Variants in AMBRA1 observed in about 807,000 individuals in gnomAD.
AMBRA1 encodes the protein activating molecule in BECN1-regulated autophagy protein 1.
AMBRA1 carries 47 observed loss-of-function variants against 125.4 expected under a neutral mutation model. That is an observed-to-expected ratio of 0.37 (90% CI 0.30 to 0.48). The LOEUF (loss-of-function observed/expected upper bound fraction) is 0.48. Ranked by LOEUF, AMBRA1 falls within the 20% of genes least tolerant of loss-of-function variation. AMBRA1 has a pLI of 0.99. For missense variants in AMBRA1, 1,331 were observed against 1,693.4 expected (o/e 0.79, Z 3.76); for synonymous variants, 626 against 655.5 (o/e 0.95, Z 0.69).
chr11:46,491,991 A>G (rs1179389162), intron 11 of AMBRA1, among the ~76,000 whole-genome samples: 1 of 152,234 alleles, frequency 6.6e-6, no homozygotes, highest in African/African-American at 2.4e-5. Context: ...TGGTGGAGGC[A>G]GATGTCTGGA....
chr11:46,402,426 A>G (rs904208460), intron 17 of AMBRA1, among the ~76,000 whole-genome samples: 1 of 152,026 alleles, frequency 6.6e-6, no homozygotes, highest in Non-Finnish European at 1.5e-5. Context: ...CGGTGGCGAG[A>G]TCTCAGCTCA....
At chr11:46,411,885 C>CAA (rs1275244118) in intron 15 of AMBRA1, among the ~76,000 whole-genome samples, 2 of 152,104 alleles carry the variant, frequency 1.3e-5, no homozygotes, top group Non-Finnish European at 2.9e-5. Context: ...CTCGGCCTCC[C>CAA]AAAGTGTTGG....
At chr11:46,529,226 C>T (rs868692991) in intron 7 of AMBRA1, among the ~76,000 whole-genome samples, 2 of 152,228 alleles carry the variant, frequency 1.3e-5, no homozygotes, top group Non-Finnish European at 2.9e-5. Context: ...AGGTTGCTCT[C>T]ATACTGCATA....
At chr11:46,567,651 G>A (rs995908183) in intron 1 of AMBRA1, among the ~76,000 whole-genome samples, 33 of 150,112 alleles carry the variant, frequency 2.2e-4, no homozygotes, top group Admixed American at 1.5e-3. Context: ...GTGAGCCACC[G>A]TGCCCAGCCT....
At chr11:46,515,651 G>A (rs1039180887) in intron 7 of AMBRA1, among the ~76,000 whole-genome samples, 152 of 152,078 alleles carry the variant, frequency 1.0e-3, no homozygotes, top group African/African-American at 3.5e-3. Context: ...TTTGCATTAG[G>A]TAACTTCAGT....
At chr11:46,402,562 C>T (rs1237778086) in intron 17 of AMBRA1, among the ~76,000 whole-genome samples, 1 of 152,064 alleles carries the variant, frequency 6.6e-6, no homozygotes, top group Non-Finnish European at 1.5e-5. Context: ...GATGGGGTTT[C>T]ACCACATTGG....
intron 11 of AMBRA1, among the ~76,000 whole-genome samples, chr11:46,476,429 C>A (rs895320640): frequency 6.6e-5 from 10 of 152,092 alleles, no homozygotes; most frequent in Admixed American, 3.3e-4. Flanking sequence ...TGGGGAGATA[C>A]GTAAAGAGTC....
intron 15 of AMBRA1, among the ~76,000 whole-genome samples, chr11:46,415,131 G>GT (rs1004781467): frequency 2.4e-4 from 36 of 152,208 alleles, no homozygotes; most frequent in Admixed American, 9.2e-4. Context: ...CCAGGGAGCT[G>GT]TATCACCCAG....
chr11:46,478,877 C>A (rs2136911925), intron 11 of AMBRA1, among the ~76,000 whole-genome samples: 1 of 152,080 alleles, frequency 6.6e-6, no homozygotes, highest in African/African-American at 2.4e-5. Flanking sequence ...CTGAAGCTTT[C>A]CTCAGTATAT....
chr11:46,545,831 G>T, intron 4 of AMBRA1, 55 bp from the exon 5 acceptor site: 7 of 1,569,274 alleles, frequency 4.5e-6, no homozygotes, highest in Non-Finnish European at 6.1e-6. Flanking sequence ...AGCACACTGG[G>T]AAGTCAATTT....
chr11:46,515,836 C>T lies in AMBRA1; in HGVS notation c.2073-3023G>A, dbSNP rs574141617. On this transcript the variant is annotated intron_variant, in intron 7 of 17. Transcript: ENST00000683756. ...GATTAAAGGCATGCGCCACCACACCCGGCTAATTTTTGTACTTTTAGTAGA... is the reference window on the plus strand; with the variant it reads ...GATTAAAGGCATGCGCCACCACACCTGGCTAATTTTTGTACTTTTAGTAGA... Among the ~76,000 whole-genome samples the T allele has an allele frequency of 1.6e-4, 24 of 152,188 alleles. No individual in the cohort carries two copies. The East Asian group carries it at 3.9e-3, about 25-fold the overall frequency.
At chr11:46,401,631 T>C (rs1400983479) in intron 17 of AMBRA1, among the ~76,000 whole-genome samples, 1 of 152,218 alleles carries the variant, frequency 6.6e-6, no homozygotes, top group Non-Finnish European at 1.5e-5. Flanking sequence ...CGGATGGGCT[T>C]TCCCAGGCTC....
At position 46,464,927 on chromosome 11, in the gene AMBRA1, C is replaced by T. The variant is rs1384849518; in HGVS notation, c.2522-21329G>A. ...AGGCATGGTGGTGGGTGCCTGTAATCCCAGCTACTCAGGAGTCTGAGGCAG... is the reference window on the plus strand; with the variant it reads ...AGGCATGGTGGTGGGTGCCTGTAATTCCAGCTACTCAGGAGTCTGAGGCAG... On this transcript the variant is annotated intron_variant, in intron 11 of 17. Transcript: ENST00000683756. Among the ~76,000 whole-genome samples the T allele has an allele frequency of 2.6e-5, 4 of 152,132 alleles. 1 individual carries two copies. The highest frequency in any genetic ancestry group is 5.9e-5 in the Non-Finnish European group (4 of 68,016).
chr11:46,544,963 G>A (rs910878680), intron 5 of AMBRA1, among the ~76,000 whole-genome samples: 5 of 151,688 alleles, frequency 3.3e-5, no homozygotes, highest in Admixed American at 1.3e-4. Flanking sequence ...AAATCTCTAC[G>A]AAAAAATTTA....
chr11:46,555,077 AAAAC>A (rs918047052), intron 1 of AMBRA1, among the ~76,000 whole-genome samples: 13 of 152,134 alleles, frequency 8.5e-5, no homozygotes, highest in East Asian at 7.7e-4. Context: ...CTGTCTTAAA[AAAAC>A]AAACAAACAA....
At chr11:46,474,909 G>C (rs1949755072) in intron 11 of AMBRA1, among the ~76,000 whole-genome samples, 1 of 152,166 alleles carries the variant, frequency 6.6e-6, no homozygotes, top group African/African-American at 2.4e-5. Context: ...AAAGAACACA[G>C]TGTGCGCTTG....
chr11:46,510,606 CTAATGA>C (rs1171652812), intron 8 of AMBRA1, among the ~76,000 whole-genome samples: 1 of 152,170 alleles, frequency 6.6e-6, no homozygotes, highest in African/African-American at 2.4e-5. Context: ...AATGTTGATG[CTAATGA>C]TAATAAGAAG....
In AMBRA1 at chr11:46,441,019, C is replaced by A. The variant is rs544850910; in HGVS notation, c.2632+2469G>T. Among the ~76,000 whole-genome samples, 4 of 152,272 alleles carry A rather than the reference C, an allele frequency of 2.6e-5. No individual in the cohort carries two copies. In the South Asian group the frequency reaches 8.3e-4, roughly 32 times the overall value. ...CAGTAATGTACTACAAGGTTTGGTG[C>A]AATGCCCTGCCTGATTCACTACTTT... On this transcript the variant is annotated intron_variant, in intron 12 of 17. Coordinates refer to ENST00000683756, the MANE Select transcript of AMBRA1 (RefSeq NM_001387011.1).
chr11:46,469,838 CT>C (rs34785738), intron 11 of AMBRA1, among the ~76,000 whole-genome samples: 25,443 of 128,242 alleles, frequency 0.2, 2,497 homozygotes, highest in African/African-American at 0.32. Context: ...CTAACTTAAA[CT>C]TTTTTTTTTT....
Sources: allele counts gnomAD v4.1 joint callset (sites outside exome capture counted in the v4.1 genomes callset), GRCh38; gene constraint gnomAD v4.1.1; transcripts MANE v1.5; gene names NCBI Gene and HGNC (gene_info 2026-07-23, HGNC 2026-07-21).